ZNF423: variants seen among roughly 807,000 people sequenced by gnomAD.
ZNF423 encodes zinc finger protein 423.
A neutral mutation model predicts 95.8 loss-of-function variants in ZNF423; 12 were observed. The observed-to-expected ratio is 0.13, with a 90% CI of 0.08 to 0.20. ZNF423 has a LOEUF of 0.20. ZNF423 is among the 10% of genes least tolerant of loss of function. The probability of loss-of-function intolerance (pLI) is 1.00; values close to 1 mark genes in which losing one functional copy is unlikely to be tolerated. For synonymous variants in ZNF423, 749 were observed against 711.9 expected (o/e 1.05, Z -0.83); for missense variants, 1,316 against 1,737.1 (o/e 0.76, Z 4.31).
At chr16:49,689,685 C>CG (rs1567292058) in intron 3 of ZNF423, among the ~76,000 whole-genome samples, 1 of 152,086 alleles carries the variant, frequency 6.6e-6, no homozygotes, top group Non-Finnish European at 1.5e-5. Context: ...TGTGGCACCC[C>CG]GGGGGCCCCA....
chr16:49,657,450 T>C (rs1369567955), intron 3 of ZNF423, among the ~76,000 whole-genome samples: 3 of 152,196 alleles, frequency 2.0e-5, no homozygotes, highest in African/African-American at 7.2e-5. Context: ...AGTGGCCCCC[T>C]GGGAATTCAG....
At chr16:49,832,227 T>A in intron 1 of ZNF423, among the ~76,000 whole-genome samples, 1 of 152,136 alleles carries the variant, frequency 6.6e-6, no homozygotes, top group East Asian at 1.9e-4. Flanking sequence ...TGGGCCCACT[T>A]AACTCCAGTA....
intron 3 of ZNF423, among the ~76,000 whole-genome samples, chr16:49,690,093 A>G (rs1302767725): frequency 6.6e-6 from 1 of 152,140 alleles, no homozygotes; most frequent in African/African-American, 2.4e-5. Flanking sequence ...ACCATCTACT[A>G]AGTGCAGCCC....
At chr16:49,510,647 C>T (rs886249545) in intron 7 of ZNF423, among the ~76,000 whole-genome samples, 10 of 152,192 alleles carry the variant, frequency 6.6e-5, no homozygotes, top group Admixed American at 2.6e-4. Flanking sequence ...CTGGGGTCTT[C>T]CCCTCAGGCC....
At chr16:49,639,901 T>G (rs754344537) in intron 3 of ZNF423, among the ~76,000 whole-genome samples, 7 of 151,952 alleles carry the variant, frequency 4.6e-5, no homozygotes, top group Non-Finnish European at 8.8e-5. Flanking sequence ...CAGGACACAG[T>G]GAATAAAGCT....
intron 5 of ZNF423, among the ~76,000 whole-genome samples, chr16:49,531,905 G>A (rs1567448219): frequency 2.0e-5 from 3 of 152,132 alleles, no homozygotes; most frequent in Admixed American, 1.3e-4. Flanking sequence ...AGAGTCTCAG[G>A]CCTGCCCCAG....
At chr16:49,510,313 A>G (rs886173316) in intron 7 of ZNF423, among the ~76,000 whole-genome samples, 6 of 152,172 alleles carry the variant, frequency 3.9e-5, no homozygotes, top group African/African-American at 1.4e-4. Context: ...CACATGCCCA[A>G]GGTCACATTG....
At chr16:49,779,953 C>T (rs183842672) in intron 2 of ZNF423, among the ~76,000 whole-genome samples, 177 of 152,278 alleles carry the variant, frequency 1.2e-3, no homozygotes, top group African/African-American at 4.1e-3. Flanking sequence ...TGAGCAACTG[C>T]GCTGCAAAAT....
At chr16:49,713,345 G>C (rs755683642) in intron 3 of ZNF423, among the ~76,000 whole-genome samples, 3 of 152,178 alleles carry the variant, frequency 2.0e-5, no homozygotes, top group Non-Finnish European at 2.9e-5. Context: ...GAGTGGGGTG[G>C]GTACAAAGGA....
intron 4 of ZNF423, among the ~76,000 whole-genome samples, chr16:49,629,518 T>C (rs1270919255): frequency 6.6e-6 from 1 of 152,138 alleles, no homozygotes; most frequent in Non-Finnish European, 1.5e-5. Context: ...TTGACTCAAT[T>C]CAAATGTCAT....
chr16:49,532,217 G>A (rs1435261550), intron 5 of ZNF423, among the ~76,000 whole-genome samples: 1 of 152,160 alleles, frequency 6.6e-6, no homozygotes, highest in Non-Finnish European at 1.5e-5. Context: ...TATCTTTGAA[G>A]AGGCTGCTGG....
At chr16:49,845,826 A>G (rs906745309) in intron 1 of ZNF423, among the ~76,000 whole-genome samples, 2 of 152,014 alleles carry the variant, frequency 1.3e-5, no homozygotes, top group Non-Finnish European at 2.9e-5. Context: ...TTACAGGCAT[A>G]AGCCACCACT....
At chr16:49,721,569 G>A (rs536503332) in intron 3 of ZNF423, among the ~76,000 whole-genome samples, 80 of 152,174 alleles carry the variant, frequency 5.3e-4, no homozygotes, top group African/African-American at 1.8e-3. Context: ...AGCCCACCTC[G>A]CTCCCCAAGA....
intron 5 of ZNF423, among the ~76,000 whole-genome samples, chr16:49,621,470 C>T (rs575904861): frequency 1.3e-5 from 2 of 152,182 alleles, no homozygotes; most frequent in South Asian, 4.1e-4. Context: ...CTCCGGGCTG[C>T]AGAGCCATGC....
intron 3 of ZNF423, among the ~76,000 whole-genome samples, chr16:49,703,233 T>C (rs2143022820): frequency 6.6e-6 from 1 of 152,370 alleles, no homozygotes; most frequent in East Asian, 1.9e-4. Context: ...GAAATTTCTT[T>C]CTTGAAAACA....
At chr16:49,625,763 T>C (rs569106277) in intron 5 of ZNF423, among the ~76,000 whole-genome samples, 1 of 152,360 alleles carries the variant, frequency 6.6e-6, no homozygotes, top group East Asian at 1.9e-4. Context: ...GAAATAACTT[T>C]GTAAGCGTTC....
intron 1 of ZNF423, among the ~76,000 whole-genome samples, chr16:49,845,701 C>T (rs1382450026): frequency 1.4e-5 from 2 of 146,548 alleles, no homozygotes; most frequent in Non-Finnish European, 3.0e-5. Flanking sequence ...CCACCACACC[C>T]TCCTAATTTT....
rs1971433375 is a variant in ZNF423 at position 49,603,257 on chromosome 16, A to G, written c.3601+22913T>C. ...TGCAGTAGACAACCTGCACAACCAT[A>G]TCCTGCAGGCCTGTGTCCTGTGGGG... On this transcript the variant is annotated intron_variant, in intron 5 of 7. Transcript: ENST00000563137. The surrounding 1 kb of genome is among the most constrained non-coding windows in gnomAD (Gnocchi z 4.1). 6.6e-6 allele frequency among the ~76,000 whole-genome samples: 1 copy of G among 152,136 alleles called. No individual in the cohort carries two copies. The highest frequency in any genetic ancestry group is 2.4e-5 in the African/African-American group (1 of 41,422).
At position 49,603,050 on chromosome 16, in the gene ZNF423, T is replaced by C. The variant is rs1180596602; in HGVS notation, c.3601+23120A>G. The stretch of plus-strand genomic sequence containing the variant: ...TGAAATGCCAAGGAGAAAGGGAGGA[T>C]GGGAGGAGGAGGTTCCGAAACACTG... On this transcript the variant is annotated intron_variant, in intron 5 of 7. Transcript: ENST00000563137. This position sits in a 1 kb window ranked among gnomAD's most constrained non-coding sequence, Gnocchi z 4.1. 2.0e-5 allele frequency among the ~76,000 whole-genome samples: 3 copies of C among 152,048 alleles called. No homozygotes were observed.
Sources: allele counts gnomAD v4.1 joint callset (sites outside exome capture counted in the v4.1 genomes callset), GRCh38; gene constraint gnomAD v4.1.1; non-coding constraint Gnocchi (gnomAD v3.1); transcripts MANE v1.5; gene names NCBI Gene and HGNC (gene_info 2026-07-23, HGNC 2026-07-21).